LSM6: variants seen among roughly 807,000 people sequenced by gnomAD.
LSM6 encodes the protein U6 snRNA-associated Sm-like protein LSm6.
Under a neutral mutation model 13.5 loss-of-function variants are expected in LSM6, and 2 were observed. The ratio of observed to expected loss-of-function variants is 0.15; its 90% CI spans 0.06 to 0.47. LSM6 has a LOEUF of 0.47. LSM6 is among the 20% of genes least tolerant of loss of function. The pLI is 0.97. For missense variants in LSM6, 58 were observed against 96.4 expected, an observed-to-expected ratio of 0.60 and a Z score of 1.67; for synonymous variants, 43 against 34.9, an observed-to-expected ratio of 1.23 and a Z score of -0.82.
intron 1 of LSM6, among the ~76,000 whole-genome samples, chr4:146,179,026 GA>G: frequency 6.6e-6 from 1 of 152,128 alleles, no homozygotes; most frequent in Non-Finnish European, 1.5e-5. Context: ...TTACCAAAAA[GA>G]AAAAAATTCC....
At chr4:146,183,202 A>G (rs1259568700) in intron 2 of LSM6, 187 bp downstream of exon 2, 7 of 476,056 alleles carry the variant, frequency 1.5e-5, no homozygotes, top group Non-Finnish European at 2.7e-5. Flanking sequence ...ACAGTATAGC[A>G]TGTGCTTCTG....
In LSM6 at chr4:146,181,646, A is replaced by G. The variant is rs569075683; in HGVS notation, c.-10-1266A>G. ...GAAGAATATTTAATGAAAAAATTTC[A>G]TTGAAAACAAAAGAACAGCTTGAGT... On this transcript the variant is annotated intron_variant, in intron 1 of 3. Coordinates refer to ENST00000296581, the MANE Select transcript of LSM6 (RefSeq NM_007080.3). Among the ~76,000 whole-genome samples the G allele has an allele frequency of 5.1e-4, 77 of 152,334 alleles. 1 individual carries two copies. The South Asian group carries it at 0.016, about 31-fold the overall frequency.
chr4:146,182,351 T>C (rs1381210192), intron 1 of LSM6, among the ~76,000 whole-genome samples: 2 of 152,234 alleles, frequency 1.3e-5, no homozygotes, highest in Non-Finnish European at 2.9e-5. Context: ...CTGTTCTATA[T>C]AATACGGACT....
intron 1 of LSM6, chr4:146,176,195 G>C (rs912585472): frequency 3.3e-5 from 5 of 152,270 alleles, no homozygotes; most frequent in Non-Finnish European, 7.3e-5. Context: ...CCCAAGATTC[G>C]GCGGGAAAGC....
chr4:146,181,722 A>G (rs1435259276), intron 1 of LSM6, among the ~76,000 whole-genome samples: 2 of 152,248 alleles, frequency 1.3e-5, no homozygotes, highest in Non-Finnish European at 2.9e-5. Context: ...TTTAAGTCTC[A>G]GTGCTATATA....
At chr4:146,188,009 G>A (rs1350356163) in intron 3 of LSM6, among the ~76,000 whole-genome samples, 1 of 151,934 alleles carries the variant, frequency 6.6e-6, no homozygotes, top group East Asian at 1.9e-4. Context: ...CCCACTTTTT[G>A]GTTCCATCTC....
At chr4:146,176,639 G>C (rs1168890330) in intron 1 of LSM6, 1 of 151,974 alleles carries the variant, frequency 6.6e-6, no homozygotes, top group Non-Finnish European at 1.5e-5. Flanking sequence ...TAACAGTGTA[G>C]TTTTCCACTT....
intron 2 of LSM6, among the ~76,000 whole-genome samples, chr4:146,186,473 G>A (rs1323902794): frequency 2.0e-5 from 3 of 151,820 alleles, no homozygotes; most frequent in Admixed American, 6.6e-5. Context: ...CAGAATTAGA[G>A]GCTTACAGAT....
intron 1 of LSM6, among the ~76,000 whole-genome samples, chr4:146,176,984 T>A (rs554546026): frequency 1.3e-4 from 20 of 152,110 alleles, no homozygotes; most frequent in Non-Finnish European, 2.2e-4. Context: ...GTAATTTTAC[T>A]TGCTTAAATA....
chr4:146,180,481 T>C (rs1197189645), intron 1 of LSM6, among the ~76,000 whole-genome samples: 1 of 151,786 alleles, frequency 6.6e-6, no homozygotes, highest in Non-Finnish European at 1.5e-5. Flanking sequence ...GTGTGGAAAG[T>C]TAATATTAAT....
chr4:146,184,153 A>G (rs1462151512), intron 2 of LSM6, among the ~76,000 whole-genome samples: 1 of 151,698 alleles, frequency 6.6e-6, no homozygotes, highest in East Asian at 1.9e-4. Context: ...ACTTTTTTTT[A>G]ATGCAGGCCT....
chr4:146,187,176 A>G, intron 2 of LSM6, 98 bp from the exon 3 acceptor site: 1 of 625,810 alleles, frequency 1.6e-6, no homozygotes, highest in Non-Finnish European at 2.9e-6. Flanking sequence ...GCATCTAAGA[A>G]CTAATGAATA....
In LSM6 at chr4:146,191,174, T is replaced by C. The variant is rs1730461631; in HGVS notation, c.*1518T>C. On this transcript the variant is annotated 3_prime_UTR_variant, in exon 4 of 4. Coordinates refer to ENST00000296581, the MANE Select transcript of LSM6 (RefSeq NM_007080.3). ...AAGTACAAATCACCAATTTGCTCTT[T>C]TATAAATGAGTTCTTTTAAGGAGAA... The C allele has an allele frequency of 6.6e-6, 1 of 152,180 alleles. No individual in the cohort carries two copies. The highest frequency in any genetic ancestry group is 1.5e-5 in the Non-Finnish European group (1 of 68,028). The allele number at this position is 152,180 out of a possible 1,614,324, so 9.4% of individuals were successfully genotyped here.
At chr4:146,187,581 CTCCTT>C (rs1355295055) in intron 3 of LSM6, 194 bp downstream of exon 3, 1 of 490,460 alleles carries the variant, frequency 2.0e-6, no homozygotes, top group Non-Finnish European at 3.7e-6. Context: ...CCAAAATTCT[CTCCTT>C]CCCTTCCTTT....
rs773828426 is a variant in LSM6 at position 146,187,362 on chromosome 4, G to A, written c.183G>A (p.Gly61=). 3.1e-6 allele frequency: 5 copies of A among 1,610,476 alleles called. No individual in the cohort carries two copies. The highest frequency in any genetic ancestry group is 1.1e-5 in the South Asian group (1 of 90,978). ...YVNGQLKNKY[G]DAFIRGNNVL... ...ATGGACAACTGAAGAATAAGTATGG[G>A]GATGCATTTATCCGAGGAAACAATG... The change falls in exon 3 of 4, where the codon GGG becomes GGA. Residue 61 remains glycine, a synonymous_variant. Transcript: ENST00000296581.
rs1177499506 is a variant in LSM6, at chr4:146,189,870, T to C, written c.*214T>C. 3 of 513,154 alleles carry C rather than the reference T, an allele frequency of 5.8e-6. No homozygotes were observed. In the African/African-American group the frequency reaches 5.9e-5, roughly 10 times the overall value. The allele number at this position is 513,154 out of a possible 1,614,324, so 31.8% of individuals were successfully genotyped here. On this transcript the variant is annotated 3_prime_UTR_variant, in exon 4 of 4. Transcript: ENST00000296581. Reference sequence around the variant, plus strand: ...TCAGTCATTTTCTTTTACCTCGTTGTCAGTGTACAGAATGCTAAAATAATT... The same window carrying C: ...TCAGTCATTTTCTTTTACCTCGTTGCCAGTGTACAGAATGCTAAAATAATT...
rs532629447 is a variant in LSM6, at chr4:146,182,969, C to A, written c.48C>A (p.Ile16=). Residue 16 remains isoleucine (I), a synonymous_variant, in exon 2 of 4, where the codon ATC becomes ATA. Transcript: ENST00000296581. Reference sequence around the variant, plus strand: ...CTAGTGACTTCTTAAAGCAAATCATCGGACGACCAGTTGTGGTAAAATTAA... The same window carrying A: ...CTAGTGACTTCTTAAAGCAAATCATAGGACGACCAGTTGTGGTAAAATTAA... ...QTPSDFLKQI[I]GRPVVVKLNS... The A allele has an allele frequency of 1.2e-6, 2 of 1,613,464 alleles. No individual in the cohort carries two copies. Among genetic ancestry groups the A allele is most frequent in the Non-Finnish European group, 1.7e-6 (2 of 1,179,530 alleles).
intron 2 of LSM6, 62 bp from the exon 3 acceptor site, chr4:146,187,212 C>A (rs1730368916): frequency 2.4e-6 from 2 of 837,432 alleles, no homozygotes; most frequent in South Asian, 1.4e-5. Context: ...CTAAGGTATA[C>A]CCTGTAATTT....
rs1263516015 is a variant in LSM6, at chr4:146,182,972, A to G, written c.51A>G (p.Gly17=). Residue 17 remains glycine (G), a synonymous_variant, in exon 2 of 4, where the codon GGA becomes GGG. Coordinates refer to ENST00000296581, the MANE Select transcript of LSM6 (RefSeq NM_007080.3). ...TPSDFLKQII[G]RPVVVKLNSG... ...GTGACTTCTTAAAGCAAATCATCGG[A>G]CGACCAGTTGTGGTAAAATTAAATT... is the stretch of plus-strand genomic sequence containing the variant. 6.2e-7 allele frequency: 1 copy of G among 1,613,696 alleles called. No homozygotes were observed. The highest frequency in any genetic ancestry group is 1.7e-5 in the Admixed American group (1 of 60,018).
Sources: gnomAD v4.1 joint callset for allele counts (sites outside exome capture counted in the v4.1 genomes callset) on GRCh38, gnomAD v4.1.1 for gene constraint, MANE v1.5 for transcripts, NCBI Gene and HGNC (gene_info 2026-07-23, HGNC 2026-07-21) for gene names.